KCND2: variants seen among roughly 807,000 people sequenced by gnomAD.
The protein encoded by KCND2 is potassium voltage-gated channel subfamily D member 2, also known as A-type voltage-gated potassium channel KCND2.
KCND2 carries 16 observed loss-of-function variants against 54.4 expected under a neutral mutation model. The ratio of observed to expected loss-of-function variants is 0.29; its 90% CI spans 0.20 to 0.45. The LOEUF (loss-of-function observed/expected upper bound fraction) is 0.45, where lower values mean the gene tolerates loss of function less well. Among genes scored for constraint, KCND2 ranks in the 20% least tolerant of loss-of-function variants. The probability of loss-of-function intolerance (pLI) is 1.00; values close to 1 mark genes in which losing one functional copy is unlikely to be tolerated. For missense variants in KCND2, 486 were observed against 824.2 expected, an observed-to-expected ratio of 0.59 and a Z score of 5.02; for synonymous variants, 317 against 310.7, an observed-to-expected ratio of 1.02 and a Z score of -0.21.
intron 1 of KCND2, among the ~76,000 whole-genome samples, chr7:120,550,343 CGG>C (rs1178669440): frequency 5.9e-5 from 9 of 151,982 alleles, no homozygotes; most frequent in Non-Finnish European, 1.2e-4. Context: ...CAACATTCAG[CGG>C]TAAGTCAGAA....
intron 1 of KCND2, among the ~76,000 whole-genome samples, chr7:120,329,889 G>A (rs888817273): frequency 6.6e-6 from 1 of 152,096 alleles, no homozygotes; most frequent in African/African-American, 2.4e-5. Context: ...CTGCAAATTT[G>A]TCCAGGACTC....
rs547828605 is a variant in KCND2, at chr7:120,640,737, T to C, written c.1116-92166T>C. Among the ~76,000 whole-genome samples the C allele has an allele frequency of 2.6e-5, 4 of 152,332 alleles. No individual in the cohort carries two copies. In the South Asian group the frequency reaches 8.3e-4, roughly 32 times the overall value. Reference sequence around the variant, plus strand: ...GTAATAATGCTGCTAATAGTTCCTCTATTTCATTTCATTGCATTGCATGGA... The same window carrying C: ...GTAATAATGCTGCTAATAGTTCCTCCATTTCATTTCATTGCATTGCATGGA... On this transcript the variant is annotated intron_variant, in intron 1 of 5. Coordinates refer to ENST00000331113, the MANE Select transcript of KCND2 (RefSeq NM_012281.3).
At chr7:120,292,378 G>GTCATTATAT (rs1799448130) in intron 1 of KCND2, among the ~76,000 whole-genome samples, 1 of 151,812 alleles carries the variant, frequency 6.6e-6, no homozygotes, top group Non-Finnish European at 1.5e-5. Flanking sequence ...TTAGTGGCAA[G>GTCATTATAT]TCATTATATT....
chr7:120,503,294 A>G (rs916942767), intron 1 of KCND2, among the ~76,000 whole-genome samples: 8 of 152,010 alleles, frequency 5.3e-5, no homozygotes, highest in African/African-American at 1.9e-4. Context: ...GTGGCATTAA[A>G]TGCTATGGTT....
intron 1 of KCND2, among the ~76,000 whole-genome samples, chr7:120,491,314 C>A (rs1043816781): frequency 6.6e-6 from 1 of 152,050 alleles, no homozygotes. Flanking sequence ...TAGTAGTTAT[C>A]GGGTGCCTAC....
At chr7:120,657,700 TA>T (rs1455316045) in intron 1 of KCND2, among the ~76,000 whole-genome samples, 2 of 151,992 alleles carry the variant, frequency 1.3e-5, no homozygotes, top group Non-Finnish European at 2.9e-5. Flanking sequence ...AAAAAAAAGT[TA>T]AAAATTCACG....
At chr7:120,292,865 A>G (rs969272934) in intron 1 of KCND2, among the ~76,000 whole-genome samples, 13 of 151,712 alleles carry the variant, frequency 8.6e-5, no homozygotes, top group African/African-American at 3.1e-4. Context: ...CTTTTGTTGT[A>G]TAATGTGATT....
chr7:120,485,679 C>T (rs983528458), intron 1 of KCND2, among the ~76,000 whole-genome samples: 4 of 152,134 alleles, frequency 2.6e-5, no homozygotes, highest in African/African-American at 9.7e-5. Flanking sequence ...GAACAATTAC[C>T]ACCTCATCAT....
intron 1 of KCND2, among the ~76,000 whole-genome samples, chr7:120,504,146 ATATAT>A (rs1430479370): frequency 6.6e-6 from 1 of 151,980 alleles, no homozygotes; most frequent in Non-Finnish European, 1.5e-5. Flanking sequence ...GTATGCACAA[ATATAT>A]TATAGTGTAC....
intron 1 of KCND2, among the ~76,000 whole-genome samples, chr7:120,543,465 T>C (rs1292300510): frequency 6.6e-6 from 1 of 152,066 alleles, no homozygotes; most frequent in African/African-American, 2.4e-5. Flanking sequence ...CATTTGCACT[T>C]TACAGATAAG....
At chr7:120,515,626 A>G (rs1355963483) in intron 1 of KCND2, among the ~76,000 whole-genome samples, 1 of 152,090 alleles carries the variant, frequency 6.6e-6, no homozygotes, top group Non-Finnish European at 1.5e-5. Context: ...TCAGGAACTC[A>G]GAGACTCCTA....
chr7:120,334,445 C>T (rs189167947), intron 1 of KCND2, among the ~76,000 whole-genome samples: 142 of 152,156 alleles, frequency 9.3e-4, no homozygotes, highest in Non-Finnish European at 1.2e-3. Context: ...TGGGATAGAT[C>T]CTCTATGTTT....
At chr7:120,614,549 C>T (rs1332040230) in intron 1 of KCND2, among the ~76,000 whole-genome samples, 2 of 152,188 alleles carry the variant, frequency 1.3e-5, no homozygotes, top group African/African-American at 2.4e-5. Context: ...CACCTCACAA[C>T]ACCATCTCCT....
chr7:120,510,596 G>A (rs1257667066), intron 1 of KCND2, among the ~76,000 whole-genome samples: 1 of 152,012 alleles, frequency 6.6e-6, no homozygotes, highest in South Asian at 2.1e-4. Context: ...TTTCTTAGGA[G>A]GAGGGTGATT....
intron 1 of KCND2, among the ~76,000 whole-genome samples, chr7:120,474,562 C>T (rs1025927490): frequency 6.6e-6 from 1 of 150,982 alleles, no homozygotes; most frequent in Non-Finnish European, 1.5e-5. Flanking sequence ...CGGTGTTTCA[C>T]CATGTTGGCC....
intron 1 of KCND2, among the ~76,000 whole-genome samples, chr7:120,277,104 G>T (rs4730954): frequency 0.72 from 110,071 of 151,946 alleles, 43,238 homozygotes; most frequent in South Asian, 0.92. Context: ...TAATGGAATA[G>T]TTTATATATG....
At chr7:120,371,296 C>T (rs1405276192) in intron 1 of KCND2, among the ~76,000 whole-genome samples, 1 of 152,012 alleles carries the variant, frequency 6.6e-6, no homozygotes, top group Non-Finnish European at 1.5e-5. Flanking sequence ...TGATCTACCA[C>T]AGGGGCACTG....
chr7:120,460,831 G>T (rs1408025707), intron 1 of KCND2, among the ~76,000 whole-genome samples: 1 of 152,062 alleles, frequency 6.6e-6, no homozygotes, highest in African/African-American at 2.4e-5. Context: ...AAGACAAAAA[G>T]ATCTAAGAGG....
chr7:120,731,093 C>T (rs528712296), intron 1 of KCND2, among the ~76,000 whole-genome samples: 1 of 152,248 alleles, frequency 6.6e-6, no homozygotes, highest in African/African-American at 2.4e-5. Context: ...TCCCCCGCCC[C>T]AGGAGTGCAC....
Sources: gnomAD v4.1 joint callset for allele counts (sites outside exome capture counted in the v4.1 genomes callset) on GRCh38, gnomAD v4.1.1 for gene constraint, MANE v1.5 for transcripts, NCBI Gene and HGNC (gene_info 2026-07-23, HGNC 2026-07-21) for gene names.